GLIS3: variants seen among roughly 807,000 people sequenced by gnomAD.
GLIS3 encodes zinc finger protein GLIS3.
In GLIS3, 53 loss-of-function variants were observed where a neutral mutation model predicts 78.6. The observed-to-expected ratio is 0.67, with a 90% CI of 0.54 to 0.85. GLIS3 has a LOEUF of 0.85. Ranked by LOEUF, GLIS3 falls within the 40% of genes least tolerant of loss-of-function variation. GLIS3 has a pLI of 0.00. For synonymous variants in GLIS3, 684 were observed against 509.9 expected (o/e 1.34, Z -4.60); for missense variants, 1,703 against 1,231.1 (o/e 1.38, Z -5.74).
chr9:3,980,817 T>C (rs946058351), intron 4 of GLIS3, among the ~76,000 whole-genome samples: 5 of 148,440 alleles, frequency 3.4e-5, no homozygotes, highest in African/African-American at 1.3e-4. Flanking sequence ...CTGACTTTTC[T>C]TCTTCTTCTT....
At chr9:4,345,805 C>G (rs1817890250) in intron 2 of GLIS3, among the ~76,000 whole-genome samples, 1 of 152,116 alleles carries the variant, frequency 6.6e-6, no homozygotes, top group South Asian at 2.1e-4. Context: ...GTGATTGCGT[C>G]TGGGGAGTGA....
the GLIS3 span, among the ~76,000 whole-genome samples, chr9:4,444,429 T>G: frequency 6.6e-6 from 1 of 152,224 alleles, no homozygotes; most frequent in Non-Finnish European, 1.5e-5. Context: ...TATCTTTCAG[T>G]ACACACAGTT....
At chr9:4,388,189 A>C in the GLIS3 span, among the ~76,000 whole-genome samples, 1 of 152,264 alleles carries the variant, frequency 6.6e-6, no homozygotes, top group African/African-American at 2.4e-5. Context: ...CCATAAGTGC[A>C]CATAACAGAC....
At chr9:4,036,248 G>C (rs1318634112) in intron 4 of GLIS3, among the ~76,000 whole-genome samples, 2 of 151,982 alleles carry the variant, frequency 1.3e-5, no homozygotes, top group Non-Finnish European at 1.5e-5. Flanking sequence ...ATTTTTTCTG[G>C]CTAAGAACAC....
At chr9:4,394,239 G>C in the GLIS3 span, among the ~76,000 whole-genome samples, 1 of 150,998 alleles carries the variant, frequency 6.6e-6, no homozygotes, top group Non-Finnish European at 1.5e-5. Context: ...AGGAGACATT[G>C]ATTCAATTTT....
chr9:3,936,689 C>T (rs916584604), intron 5 of GLIS3, among the ~76,000 whole-genome samples: 2 of 152,118 alleles, frequency 1.3e-5, no homozygotes, highest in South Asian at 2.1e-4. Context: ...CTTGATATCT[C>T]AATACTGTTT....
chr9:4,325,561 A>G (rs1817586710), intron 2 of GLIS3, among the ~76,000 whole-genome samples: 2 of 152,118 alleles, frequency 1.3e-5, no homozygotes. Flanking sequence ...TTCCTGCAAA[A>G]TATCCACATT....
intron 4 of GLIS3, among the ~76,000 whole-genome samples, chr9:3,968,127 G>A (rs1040137462): frequency 1.7e-4 from 26 of 152,170 alleles, no homozygotes; most frequent in Admixed American, 1.5e-3. Flanking sequence ...TAATTTTAGA[G>A]TTTTCAAAAT....
At chr9:4,181,757 T>A (rs1817344753) in intron 2 of GLIS3, among the ~76,000 whole-genome samples, 1 of 152,202 alleles carries the variant, frequency 6.6e-6, no homozygotes, top group Non-Finnish European at 1.5e-5. Flanking sequence ...TGGAGCTTAT[T>A]GCTGCTGGGA....
intron 2 of GLIS3, among the ~76,000 whole-genome samples, chr9:4,272,456 G>A (rs961035497): frequency 3.3e-5 from 5 of 152,026 alleles, no homozygotes; most frequent in African/African-American, 1.2e-4. Context: ...GCATAACATG[G>A]GGTAAAAAAT....
At chr9:3,883,361 T>C (rs1043103040) in intron 7 of GLIS3, among the ~76,000 whole-genome samples, 1 of 152,234 alleles carries the variant, frequency 6.6e-6, no homozygotes, top group African/African-American at 2.4e-5. Context: ...ATTAATGTTT[T>C]AAGTCTGAAT....
the GLIS3 span, among the ~76,000 whole-genome samples, chr9:4,360,773 G>A: frequency 6.6e-6 from 1 of 152,162 alleles, no homozygotes; most frequent in Non-Finnish European, 1.5e-5. Flanking sequence ...GTGTGTTGAG[G>A]CACAGACACC....
intron 9 of GLIS3, among the ~76,000 whole-genome samples, chr9:3,834,432 T>C (rs1455169): frequency 0.035 from 5,403 of 152,314 alleles, 336 homozygotes; most frequent in African/African-American, 0.12. Context: ...ATTACATCTT[T>C]GAAATGCGGC....
chr9:4,136,066 C>G (rs1369559128), intron 2 of GLIS3, among the ~76,000 whole-genome samples: 1 of 152,110 alleles, frequency 6.6e-6, no homozygotes, highest in South Asian at 2.1e-4. Flanking sequence ...ATAACCGGCT[C>G]CTATATTCAG....
At chr9:4,099,224 G>A (rs1031734888) in intron 4 of GLIS3, among the ~76,000 whole-genome samples, 23 of 152,170 alleles carry the variant, frequency 1.5e-4, no homozygotes, top group African/African-American at 5.1e-4. Context: ...GTCTTTAATG[G>A]GTGGCTTAAA....
chr9:4,104,780 G>C (rs1830629975), intron 4 of GLIS3, among the ~76,000 whole-genome samples: 2 of 152,120 alleles, frequency 1.3e-5, no homozygotes, highest in South Asian at 4.2e-4. Flanking sequence ...TCCTCCCCCA[G>C]GTATCTGCAT....
At chr9:3,828,562 C>T (rs554127163) in intron 10 of GLIS3, among the ~76,000 whole-genome samples, 154 bp from the exon 11 acceptor site, 23 of 152,292 alleles carry the variant, frequency 1.5e-4, no homozygotes, top group African/African-American at 5.1e-4. Context: ...CTGTTTCCAG[C>T]GACCTTAGTG....
the GLIS3 span, among the ~76,000 whole-genome samples, chr9:4,372,065 T>C: frequency 6.6e-6 from 1 of 152,144 alleles, no homozygotes; most frequent in African/African-American, 2.4e-5. Context: ...CCCTGTTATT[T>C]TGAAGATATG....
chr9:4,314,276 A>T (rs1274028244), intron 2 of GLIS3, among the ~76,000 whole-genome samples: 3 of 152,226 alleles, frequency 2.0e-5, no homozygotes, highest in Non-Finnish European at 4.4e-5. Flanking sequence ...CAGAATTAGA[A>T]TCAAGAACCC....
Sources: gnomAD v4.1 joint callset for allele counts (sites outside exome capture counted in the v4.1 genomes callset) on GRCh38, gnomAD v4.1.1 for gene constraint, MANE v1.5 for transcripts, NCBI Gene and HGNC (gene_info 2026-07-23, HGNC 2026-07-21) for gene names.